The following SLC22A3 variants were observed in gnomAD, a reference collection of about 807,000 sequenced individuals.
SLC22A3 encodes the protein EMT organic cation transporter 3.
SLC22A3 carries 51 observed loss-of-function variants against 59.1 expected under a neutral mutation model. That is an observed-to-expected ratio of 0.86 (90% CI 0.69 to 1.09). The LOEUF is 1.09. SLC22A3 is among the 50% of genes least tolerant of loss of function. The pLI is 0.00. For synonymous variants in SLC22A3, 325 were observed against 292.0 expected (o/e 1.11, Z -1.15); for missense variants, 711 against 726.3 (o/e 0.98, Z 0.24).
Position 160,376,385 on chromosome 6 carries a change from G to T in SLC22A3, c.430-21594G>T, listed in dbSNP as rs575608031. ...TGGTGCGGAGAGGGGTGAGGGGAGG[G>T]CGAACACCAGGACAAAGAGCTAATG... On this transcript the variant is annotated intron_variant, in intron 1 of 10. Transcript: ENST00000275300. Among the ~76,000 whole-genome samples the T allele has an allele frequency of 3.3e-5, 5 of 152,100 alleles. No homozygotes were observed. The East Asian group carries it at 9.7e-4, about 30-fold the overall frequency.
intron 1 of SLC22A3, among the ~76,000 whole-genome samples, chr6:160,357,251 G>A (rs1583440691): frequency 6.6e-6 from 1 of 152,246 alleles, no homozygotes; most frequent in African/African-American, 2.4e-5. Context: ...CAGCAGTGGA[G>A]ATAACCAAGT....
intron 10 of SLC22A3, among the ~76,000 whole-genome samples, chr6:160,449,567 A>G (rs997891641): frequency 6.6e-6 from 1 of 152,232 alleles, no homozygotes; most frequent in Middle Eastern, 3.2e-3. Flanking sequence ...CCTTTTAAAA[A>G]TCACACTGGA....
chr6:160,355,042 G>A (rs1230408759), intron 1 of SLC22A3, among the ~76,000 whole-genome samples: 1 of 152,192 alleles, frequency 6.6e-6, no homozygotes, highest in African/African-American at 2.4e-5. Flanking sequence ...AGGCATGCGA[G>A]GCAGGCAGGA....
Position 160,362,800 on chromosome 6 carries a change from C to T in SLC22A3, c.429+13952C>T, listed in dbSNP as rs192908406. On this transcript the variant is annotated intron_variant, in intron 1 of 10. Transcript: ENST00000275300. ...CAGGCGGCACCAGCGCGTTAGGCTG[C>T]CCCCGGGAGCAGTGCTGCAGGAGCC... is the stretch of plus-strand genomic sequence containing the variant. 3.2e-3 allele frequency among the ~76,000 whole-genome samples: 493 copies of T among 152,290 alleles called. 3 individuals carry two copies. The highest frequency in any genetic ancestry group is 0.011 in the African/African-American group (471 of 41,576).
chr6:160,371,389 G>A (rs976769862), intron 1 of SLC22A3, among the ~76,000 whole-genome samples: 1 of 152,044 alleles, frequency 6.6e-6, no homozygotes, highest in Non-Finnish European at 1.5e-5. Context: ...ATGTCCATGT[G>A]TTCTCATTGT....
chr6:160,408,697 T>C, intron 3 of SLC22A3, 56 bp from the exon 4 acceptor site: 1 of 1,559,574 alleles, frequency 6.4e-7, no homozygotes, highest in South Asian at 1.1e-5. Flanking sequence ...TATTTGTTTG[T>C]TTATTTTGGA....
chr6:160,355,593 C>T (rs952108442), intron 1 of SLC22A3, among the ~76,000 whole-genome samples: 73 of 127,884 alleles, frequency 5.7e-4, no homozygotes, highest in African/African-American at 1.6e-3. Context: ...AACCCCGTCT[C>T]TACTAAAAAA....
chr6:160,361,645 G>C (rs1457336043), intron 1 of SLC22A3, among the ~76,000 whole-genome samples: 1 of 152,134 alleles, frequency 6.6e-6, no homozygotes, highest in Non-Finnish European at 1.5e-5. Context: ...TTTTAGAGGA[G>C]GAAAGGAAGG....
chr6:160,384,248 A>G (rs1785908913), intron 1 of SLC22A3, among the ~76,000 whole-genome samples: 1 of 152,122 alleles, frequency 6.6e-6, no homozygotes, highest in African/African-American at 2.4e-5. Context: ...GGACTTAAAC[A>G]TCTGTGGATT....
chr6:160,396,345 A>C (rs996893750), intron 1 of SLC22A3, among the ~76,000 whole-genome samples: 1 of 152,200 alleles, frequency 6.6e-6, no homozygotes, highest in Non-Finnish European at 1.5e-5. Context: ...ACTTTTTGTA[A>C]GTCTGATGGT....
At chr6:160,364,517 A>T (rs933230307) in intron 1 of SLC22A3, among the ~76,000 whole-genome samples, 2 of 152,228 alleles carry the variant, frequency 1.3e-5, no homozygotes, top group African/African-American at 4.8e-5. Context: ...AAATTAAAGT[A>T]TACAAATTGG....
chr6:160,364,332 T>C (rs1363631274), intron 1 of SLC22A3, among the ~76,000 whole-genome samples: 1 of 152,216 alleles, frequency 6.6e-6, no homozygotes, highest in South Asian at 2.1e-4. Flanking sequence ...TGCTTACGCT[T>C]TCTTCTTAAC....
chr6:160,359,946 C>T (rs1348363575), intron 1 of SLC22A3, among the ~76,000 whole-genome samples: 1 of 152,088 alleles, frequency 6.6e-6, no homozygotes, highest in Non-Finnish European at 1.5e-5. Context: ...ACAGCATGAC[C>T]TTTAACTCAT....
chr6:160,392,348 A>T (rs1465475971), intron 1 of SLC22A3, among the ~76,000 whole-genome samples: 2 of 151,850 alleles, frequency 1.3e-5, no homozygotes, highest in African/African-American at 2.4e-5. Context: ...AGCTGCTCTT[A>T]CCTCCATGGG....
chr6:160,434,517 A>G (rs981106062), intron 5 of SLC22A3, among the ~76,000 whole-genome samples: 2 of 152,244 alleles, frequency 1.3e-5, no homozygotes, highest in African/African-American at 4.8e-5. Flanking sequence ...AGCTTTGATG[A>G]GACTTAAAAT....
In SLC22A3 at chr6:160,419,643, C is replaced by A. The variant is rs149667964; in HGVS notation, c.975+8797C>A. Among the ~76,000 whole-genome samples, 1,437 of 152,330 alleles carry A rather than the reference C, an allele frequency of 9.4e-3. 29 individuals are homozygous for A. The highest frequency in any genetic ancestry group is 0.033 in the African/African-American group (1,364 of 41,578). On this transcript the variant is annotated intron_variant, in intron 5 of 10. Transcript: ENST00000275300. The stretch of plus-strand genomic sequence containing the variant: ...AGAAAGAAAGTCACTGGGAACCCAT[C>A]CAGCACTTTCTCCTGACAGGGCTGT...
At chr6:160,432,432 A>ATTTT (rs35059975) in intron 5 of SLC22A3, among the ~76,000 whole-genome samples, 2 of 141,046 alleles carry the variant, frequency 1.4e-5, no homozygotes, top group Non-Finnish European at 3.1e-5. Flanking sequence ...TGTAGGCTTA[A>ATTTT]TTTTTTTTTT....
intron 1 of SLC22A3, among the ~76,000 whole-genome samples, chr6:160,359,821 G>A (rs1784955981): frequency 6.6e-6 from 1 of 152,030 alleles, no homozygotes; most frequent in Admixed American, 6.5e-5. Flanking sequence ...GATAGTCTAT[G>A]TTTGAACAGT....
intron 4 of SLC22A3, 94 bp downstream of exon 4, chr6:160,409,015 C>CTTTTTTTTTT (rs201294592): frequency 1.8e-6 from 1 of 560,638 alleles, no homozygotes; most frequent in Non-Finnish European, 2.8e-6. Flanking sequence ...AGAAAATTTT[C>CTTTTTTTTTT]TTTTTTTTTT....
Sources: allele counts gnomAD v4.1 joint callset (sites outside exome capture counted in the v4.1 genomes callset), GRCh38; gene constraint gnomAD v4.1.1; transcripts MANE v1.5; gene names NCBI Gene and HGNC (gene_info 2026-07-23, HGNC 2026-07-21).